The following RNF213 variants were observed in gnomAD, a reference collection of about 807,000 sequenced individuals.
The protein encoded by RNF213 is E3 ubiquitin-protein ligase RNF213.
In RNF213, 341 loss-of-function variants were observed where a neutral mutation model predicts 514.4. The observed-to-expected ratio is 0.66, with a 90% confidence interval of 0.61 to 0.73. The LOEUF (loss-of-function observed/expected upper bound fraction) is 0.73. RNF213 is among the 30% of genes least tolerant of loss of function. The pLI, the probability that RNF213 is intolerant of heterozygous loss-of-function variation, is 0.00. For missense variants in RNF213, 5,767 were observed against 6,615.6 expected (o/e 0.87, Z 4.45); for synonymous variants, 2,655 against 2,658.2 (o/e 1.00, Z 0.04).
In RNF213 at chr17:80,344,159, G is replaced by A. The variant is rs990847740; in HGVS notation, c.6342+144G>A. 1.3e-5 allele frequency: 11 copies of A among 847,650 alleles called. No homozygotes were observed. The African/African-American group carries it at 1.9e-4, about 15-fold the overall frequency. The allele number at this position is 847,650 out of a possible 1,614,324, so 52.5% of individuals were successfully genotyped here. A position where few individuals can be genotyped will look rare whatever the true frequency, so the allele number is the denominator to read the frequency against. On this transcript the variant is annotated intron_variant, in intron 28 of 67. Transcript: ENST00000582970. ...CTGAATGCAGTGTTAGTAAAGAAAA[G>A]CCCATCTTTAAACTCACTTTTTAAT...
At chr17:80,295,437 G>C (rs1025531604) in intron 9 of RNF213, 120 bp from the exon 10 acceptor site, 49 of 1,275,118 alleles carry the variant, frequency 3.8e-5, no homozygotes, top group Non-Finnish European at 5.2e-5. Context: ...GGCTCTCACA[G>C]GTGTGGTGGT....
rs778084417 is a variant in RNF213, at chr17:80,312,982, T to G, written c.2656-30T>G. 14 of 1,613,324 alleles carry G rather than the reference T, an allele frequency of 8.7e-6. No individual in the cohort carries two copies. In the South Asian group the frequency reaches 1.4e-4, roughly 16 times the overall value. On this transcript the variant is annotated intron_variant, in intron 14 of 67. Coordinates refer to ENST00000582970, the MANE Select transcript of RNF213 (RefSeq NM_001256071.3). ...GGGAACCTGAGTCCACAGCCGAGGA[T>G]GACTGACCCTCCCTCTTGTGTGACA... is the stretch of plus-strand genomic sequence containing the variant.
rs1232592654 is a variant in RNF213, at chr17:80,343,813, G to A, written c.6184-44G>A. The A allele has an allele frequency of 1.2e-5, 20 of 1,608,232 alleles. No individual in the cohort carries two copies. The highest frequency in any genetic ancestry group is 1.6e-5 in the Non-Finnish European group (19 of 1,175,164). On this transcript the variant is annotated intron_variant, in intron 27 of 67. Transcript: ENST00000582970. The surrounding 1 kb of genome is among the most constrained non-coding windows in gnomAD (Gnocchi z 4.3). ...GGGTTACTTAGAGTTGGGAGAACTC[G>A]CCATCGTGTCGTGTGTTTACACCTC... is the stretch of plus-strand genomic sequence containing the variant.
intron 28 of RNF213, among the ~76,000 whole-genome samples, chr17:80,344,347 GAGA>G (rs967371883): frequency 9.2e-5 from 14 of 152,186 alleles, no homozygotes; most frequent in African/African-American, 3.1e-4. Flanking sequence ...CAGCTAAGAT[GAGA>G]AGGAGATGTT....
intron 18 of RNF213, among the ~76,000 whole-genome samples, chr17:80,327,516 C>T (rs910920835): frequency 1.3e-5 from 2 of 151,518 alleles, no homozygotes; most frequent in Non-Finnish European, 2.9e-5. Context: ...CATCCGTATA[C>T]TGAAGGGGAC....
chr17:80,377,699 C>T lies in RNF213; in HGVS notation c.13511-63C>T, dbSNP rs2079816504. 1 of 1,586,756 alleles carries T rather than the reference C, an allele frequency of 6.3e-7. No individual in the cohort carries two copies. The highest frequency in any genetic ancestry group is 1.7e-5 in the Admixed American group (1 of 59,958). On this transcript the variant is annotated intron_variant, in intron 53 of 67. Transcript: ENST00000582970. The surrounding 1 kb of genome is among the most constrained non-coding windows in gnomAD (Gnocchi z 4.1). Reference sequence around the variant, plus strand: ...CCAGAGAGTAGAGAGTTAGCTTTCCCTTTTCAATGTGGGTCATTGGGTGAA... The same window carrying T: ...CCAGAGAGTAGAGAGTTAGCTTTCCTTTTTCAATGTGGGTCATTGGGTGAA...
intron 36 of RNF213, among the ~76,000 whole-genome samples, chr17:80,356,348 G>C (rs2078820429): frequency 6.8e-6 from 1 of 146,460 alleles, no homozygotes; most frequent in Non-Finnish European, 1.5e-5. Context: ...GACCAGCCCT[G>C]AGTCACTGAA....
intron 36 of RNF213, among the ~76,000 whole-genome samples, chr17:80,358,028 TC>T (rs1403995947): frequency 5.9e-5 from 9 of 152,286 alleles, no homozygotes; most frequent in Admixed American, 2.0e-4. Flanking sequence ...ACTTCACCCT[TC>T]CAGTAACCTA....
chr17:80,298,255 C>G lies in RNF213; in HGVS notation c.2013-66C>G. Reference sequence around the variant, plus strand: ...ACGGTGCTTGCTTCCTGTTGGGACTCCAGACTCCCAGGGAGATGACTCCCT... The same window carrying G: ...ACGGTGCTTGCTTCCTGTTGGGACTGCAGACTCCCAGGGAGATGACTCCCT... On this transcript the variant is annotated intron_variant, in intron 10 of 67. Transcript: ENST00000582970. 3.9e-6 allele frequency: 6 copies of G among 1,556,762 alleles called. No homozygotes were observed. In the South Asian group the frequency reaches 6.8e-5, roughly 18 times the overall value.
At chr17:80,286,592 C>A (rs747766006) in intron 3 of RNF213, among the ~76,000 whole-genome samples, 5 of 152,118 alleles carry the variant, frequency 3.3e-5, no homozygotes, top group Admixed American at 6.5e-5. Flanking sequence ...GCTTCCTCAT[C>A]CCCTTGTTAC....
rs370427297 is a variant in RNF213, at chr17:80,389,920, A to C, written c.15285+3A>C. 5 of 1,614,080 alleles carry C rather than the reference A, an allele frequency of 3.1e-6. No individual in the cohort carries two copies. Among genetic ancestry groups the C allele is most frequent in the African/African-American group, 1.3e-5 (1 of 74,934 alleles). On this transcript the variant is annotated splice_donor_region_variant and intron_variant, in intron 66 of 67. Coordinates refer to ENST00000582970, the MANE Select transcript of RNF213 (RefSeq NM_001256071.3). Reference sequence around the variant, plus strand: ...AACAGCTGCTGCGGCTGCACAAAGTAAGTCTGGTCTCTTCCTCTCTGCTGG... The same window carrying C: ...AACAGCTGCTGCGGCTGCACAAAGTCAGTCTGGTCTCTTCCTCTCTGCTGG...
chr17:80,369,613 T>C lies in RNF213; in HGVS notation c.12267T>C (p.Ile4089=), dbSNP rs754723042. 3 of 1,614,250 alleles carry C rather than the reference T, an allele frequency of 1.9e-6. No homozygotes were observed. The highest frequency in any genetic ancestry group is 1.3e-5 in the African/African-American group (1 of 75,072). ...KDNAPPEKEV[I]ESLLSLLFVQ... Reference sequence around the variant, plus strand: ...ACGCTCCGCCTGAGAAGGAAGTGATTGAGAGCCTGCTCTCTCTCCTCTTCG... The same window carrying C: ...ACGCTCCGCCTGAGAAGGAAGTGATCGAGAGCCTGCTCTCTCTCCTCTTCG... Residue 4089 remains isoleucine, a synonymous_variant, in exon 45 of 68, where the codon ATT becomes ATC. Coordinates refer to ENST00000582970, the MANE Select transcript of RNF213 (RefSeq NM_001256071.3).
rs1490352636 is a variant in RNF213 at position 80,313,114 on chromosome 17, A to G, written c.2758A>G (p.Lys920Glu). ...TKRWLREVFT[K>E]NMLTSSGASF... is the part of the protein sequence containing the mutation. ...AAGGTGGCTCCGAGAAGTTTTTACAAAGAACATGCTCACATCTTCAGGTGC... is the reference window on the plus strand; with the variant it reads ...AAGGTGGCTCCGAGAAGTTTTTACAGAGAACATGCTCACATCTTCAGGTGC... Residue 920 changes from lysine (K) to glutamate (E), a missense_variant, in exon 15 of 68, where the codon AAG becomes GAG. Transcript: ENST00000582970. The G allele has an allele frequency of 6.2e-7, 1 of 1,614,160 alleles. No individual in the cohort carries two copies. Among genetic ancestry groups the G allele is most frequent in the Non-Finnish European group, 8.5e-7 (1 of 1,180,052 alleles).
chr17:80,267,233 A>G (rs184373913), intron 2 of RNF213, among the ~76,000 whole-genome samples: 6 of 151,228 alleles, frequency 4.0e-5, no homozygotes, highest in African/African-American at 1.2e-4. Flanking sequence ...AAAAAAAGAA[A>G]AAAAAGAGAC....
rs1312549618 is a variant in RNF213, at chr17:80,395,343, A to G, written c.*1845A>G. 1 of 152,074 alleles carries G rather than the reference A, an allele frequency of 6.6e-6. No individual in the cohort carries two copies. Among genetic ancestry groups the G allele is most frequent in the African/African-American group, 2.4e-5 (1 of 41,392 alleles). 9.4% of individuals were successfully genotyped at this position (152,074 alleles called of 1,614,324 possible). ...CTCTCTGGGGGCAGAGCTTCTATTT[A>G]TGGCACATAGACATCAGCTAGGCTT... On this transcript the variant is annotated 3_prime_UTR_variant, in exon 68 of 68. Transcript: ENST00000582970.
intron 12 of RNF213, 70 bp downstream of exon 12, chr17:80,306,538 C>G (rs1171535589): frequency 1.4e-6 from 2 of 1,452,230 alleles, no homozygotes; most frequent in Non-Finnish European, 9.6e-7. Flanking sequence ...ACATGGAAAG[C>G]TCAGGATTCT....
At chr17:80,328,013 T>C (rs1458507560) in intron 19 of RNF213, 24 bp downstream of exon 19, 1 of 1,536,546 alleles carries the variant, frequency 6.5e-7, no homozygotes, top group East Asian at 2.4e-5. Flanking sequence ...CGATACGCAC[T>C]TCAGGCTCCT....
At chr17:80,385,461 G>C in intron 60 of RNF213, 77 bp from the exon 61 acceptor site, 1 of 1,268,296 alleles carries the variant, frequency 7.9e-7, no homozygotes, top group Non-Finnish European at 1.1e-6. Context: ...GCTCTCGGCA[G>C]AGCATGTAAC....
chr17:80,357,814 AAAAAT>A (rs972370157), intron 36 of RNF213, among the ~76,000 whole-genome samples: 7 of 152,148 alleles, frequency 4.6e-5, no homozygotes, highest in African/African-American at 1.2e-4. Flanking sequence ...CATCTCAACA[AAAAAT>A]AAAATAAAAT....
Sources: gnomAD v4.1 joint callset for allele counts (sites outside exome capture counted in the v4.1 genomes callset) on GRCh38, gnomAD v4.1.1 for gene constraint, Gnocchi (gnomAD v3.1) non-coding constraint, MANE v1.5 for transcripts, NCBI Gene and HGNC (gene_info 2026-07-23, HGNC 2026-07-21) for gene names.